PRDM1: variants seen among roughly 807,000 people sequenced by gnomAD.
PRDM1 encodes the protein PR domain zinc finger protein 1.
A neutral mutation model predicts 62.8 loss-of-function variants in PRDM1; 13 were observed. The observed-to-expected ratio is 0.21, with a 90% CI of 0.13 to 0.33. PRDM1 has a LOEUF of 0.33. PRDM1 is among the 10% of genes least tolerant of loss of function. The pLI, the probability that PRDM1 is intolerant of heterozygous loss-of-function variation, is 1.00. For missense variants in PRDM1, 895 were observed against 1,058.8 expected (o/e 0.85, Z 2.15); for synonymous variants, 396 against 417.6 (o/e 0.95, Z 0.63).
At chr6:106,023,332 G>A (rs1310297916) in intron 1 of PRDM1, among the ~76,000 whole-genome samples, 1 of 152,074 alleles carries the variant, frequency 6.6e-6, no homozygotes, top group African/African-American at 2.4e-5. Flanking sequence ...TCCCTGTAGT[G>A]TTTAACAGTG....
At chr6:106,083,046 G>GT (rs1266055885), upstream of PRDM1, among the ~76,000 whole-genome samples, 9 of 152,142 alleles carry the variant, frequency 5.9e-5, no homozygotes, top group African/African-American at 2.2e-4. Context: ...TGAAAAGGCT[G>GT]TTAAAGTTTA....
At chr6:106,102,248 A>G (rs1399130460) in intron 4 of PRDM1, among the ~76,000 whole-genome samples, 1 of 152,256 alleles carries the variant, frequency 6.6e-6, no homozygotes, top group Non-Finnish European at 1.5e-5. Context: ...GAACAAAAAC[A>G]GATCTTGATT....
chr6:106,012,547 A>C (rs1431084207), intron 1 of PRDM1, among the ~76,000 whole-genome samples: 1 of 150,188 alleles, frequency 6.7e-6, no homozygotes, highest in Non-Finnish European at 1.5e-5. Context: ...TACCAGCCCC[A>C]CACACCCAAC....
intron 1 of PRDM1, among the ~76,000 whole-genome samples, chr6:106,040,418 C>G (rs958731439): frequency 1.3e-5 from 2 of 152,140 alleles, no homozygotes; most frequent in African/African-American, 4.8e-5. Context: ...TATCTGCAGG[C>G]CAGGGTGTAT....
intron 1 of PRDM1, among the ~76,000 whole-genome samples, chr6:106,021,213 G>C (rs1019261839): frequency 1.3e-5 from 2 of 152,162 alleles, no homozygotes; most frequent in African/African-American, 4.8e-5. Flanking sequence ...AGATTCTTCG[G>C]TTATGCTTTC....
chr6:106,075,020 A>G, intron 1 of PRDM1, among the ~76,000 whole-genome samples: 1 of 152,202 alleles, frequency 6.6e-6, no homozygotes, highest in East Asian at 1.9e-4. Context: ...AAGAAGCTCT[A>G]ACTTAACTGT....
chr6:106,079,306 A>C (rs1029173715), intron 1 of PRDM1, among the ~76,000 whole-genome samples: 2 of 152,204 alleles, frequency 1.3e-5, no homozygotes, highest in Non-Finnish European at 2.9e-5. Flanking sequence ...AACAAGGATC[A>C]GTGAGGGAAA....
chr6:106,105,583 G>A lies in PRDM1; in HGVS notation c.1423G>A (p.Ala475Thr), dbSNP rs768328142. The A allele has an allele frequency of 6.2e-7, 1 of 1,612,986 alleles. No individual in the cohort carries two copies. ...CCCGAGCTCGCTGCCCTCAGATGGA[G>A]CCCGGAGGTTGCTCCAGCCGGAGCA... ...SLPSSLPSDG[A>T]RRLLQPEHPR... The change falls in exon 5 of 7, where the codon GCC (alanine) becomes ACC (threonine). Residue 475 changes from alanine (A) to threonine (T), a missense_variant. Coordinates refer to ENST00000369096, the MANE Select transcript of PRDM1 (RefSeq NM_001198.4).
chr6:106,088,591 C>A, intron 2 of PRDM1, 142 bp downstream of exon 2: 1 of 916,154 alleles, frequency 1.1e-6, no homozygotes, highest in Non-Finnish European at 1.6e-6. Flanking sequence ...TCAATTCTTG[C>A]ATTGCTTTCT....
In PRDM1 at chr6:106,105,333, C is replaced by T. The variant is rs766554182; in HGVS notation, c.1173C>T (p.Gly391=). The change falls in exon 5 of 7, where the codon GGC becomes GGT. Residue 391 remains glycine, a synonymous_variant. Transcript: ENST00000369096. ...YGTEGLGSYP[G]YAPLPHLPPA... ...CGGAAGGTTTGGGCTCCTACCCTGG[C>T]TACGCACCCCTGCCCCACCTCCCGC... 2.3e-5 allele frequency: 37 copies of T among 1,612,704 alleles called. No individual in the cohort carries two copies. The highest frequency in any genetic ancestry group is 1.1e-5 in the South Asian group (1 of 90,950).
At chr6:106,063,944 G>A (rs1023406560) in intron 1 of PRDM1, among the ~76,000 whole-genome samples, 1 of 152,168 alleles carries the variant, frequency 6.6e-6, no homozygotes, top group Non-Finnish European at 1.5e-5. Flanking sequence ...AACTAGCTTA[G>A]AGAGTTCAAA....
At chr6:106,098,989 T>G (rs1774190650) in intron 3 of PRDM1, 2 of 1,578,252 alleles carry the variant, frequency 1.3e-6, no homozygotes, top group Admixed American at 3.6e-5. Context: ...AGTAGTACTC[T>G]GTGGTGGGTT....
chr6:106,075,033 G>A (rs1302185862), intron 1 of PRDM1, among the ~76,000 whole-genome samples: 2 of 152,154 alleles, frequency 1.3e-5, no homozygotes, highest in African/African-American at 4.8e-5. Context: ...TTAACTGTTT[G>A]TATAGTTTAA....
chr6:106,097,101 T>C (rs956926702), intron 3 of PRDM1, among the ~76,000 whole-genome samples: 2 of 152,246 alleles, frequency 1.3e-5, no homozygotes, highest in African/African-American at 4.8e-5. Context: ...CTAAGAATCA[T>C]GTGCTCACAA....
intron 1 of PRDM1, among the ~76,000 whole-genome samples, chr6:106,019,636 T>TC (rs1261945983): frequency 2.0e-5 from 3 of 149,968 alleles, no homozygotes; most frequent in Non-Finnish European, 4.4e-5. Flanking sequence ...TTTTTTCTTT[T>TC]CTTTTTTTTT....
chr6:106,095,916 C>A, intron 3 of PRDM1, 182 bp downstream of exon 3: 2 of 647,416 alleles, frequency 3.1e-6, no homozygotes, highest in South Asian at 2.1e-5. Context: ...AAATGTCTGG[C>A]CTGTAGGTGG....
rs1162248867 is a variant in PRDM1 at position 106,109,792 on chromosome 6, AC to A, written c.*2307del. The A allele has an allele frequency of 4.3e-6, 1 of 233,040 alleles. No homozygotes were observed. Among genetic ancestry groups the A allele is most frequent in the Non-Finnish European group, 8.5e-6 (1 of 117,718 alleles). 14.4% of individuals were successfully genotyped at this position (233,040 alleles called of 1,614,324 possible). On this transcript the variant is annotated 3_prime_UTR_variant, in exon 7 of 7. Coordinates refer to ENST00000369096, the MANE Select transcript of PRDM1 (RefSeq NM_001198.4). ...CAACAGTGGTTTTATTTTTTCCTCT[AC>A]TCAAAGTTAAAACTGACCAAAGTTA...
rs1340441267 is a variant in PRDM1 at position 106,109,223 on chromosome 6, T to C, written c.*1737T>C. On this transcript the variant is annotated 3_prime_UTR_variant, in exon 7 of 7. Coordinates refer to ENST00000369096, the MANE Select transcript of PRDM1 (RefSeq NM_001198.4). ...AGACCCTAAAACCTTGGTGCAGTGG[T>C]GGGGACCACAAAACAACCAGGGAGG... 2.6e-5 allele frequency: 6 copies of C among 228,256 alleles called. No homozygotes were observed. The East Asian group carries it at 3.1e-4, about 12-fold the overall frequency. 14.1% of individuals were successfully genotyped at this position (228,256 alleles called of 1,614,324 possible).
chr6:106,077,134 T>C (rs986782895), intron 1 of PRDM1, among the ~76,000 whole-genome samples: 5 of 152,176 alleles, frequency 3.3e-5, no homozygotes, highest in African/African-American at 1.2e-4. Flanking sequence ...TGAAGTCCCA[T>C]AAACAAAGGC....
Sources: gnomAD v4.1 joint callset for allele counts (sites outside exome capture counted in the v4.1 genomes callset) on GRCh38, gnomAD v4.1.1 for gene constraint, MANE v1.5 for transcripts, NCBI Gene and HGNC (gene_info 2026-07-23, HGNC 2026-07-21) for gene names.